EPB41: variants seen among roughly 807,000 people sequenced by gnomAD.
The protein encoded by EPB41 is erythrocyte membrane protein band 4.1, also known as protein 4.1.
In EPB41, 65 loss-of-function variants were observed where a neutral mutation model predicts 108.0. The ratio of observed to expected loss-of-function variants is 0.60; its 90% CI spans 0.49 to 0.74. The LOEUF (loss-of-function observed/expected upper bound fraction) is 0.74, where lower values mean the gene tolerates loss of function less well. Ranked by LOEUF, EPB41 falls within the 30% of genes least tolerant of loss-of-function variation. The probability of loss-of-function intolerance (pLI) is 0.00; values close to 1 mark genes in which losing one functional copy is unlikely to be tolerated. For missense variants in EPB41, 875 were observed against 1,037.0 expected (o/e 0.84, Z 2.15); for synonymous variants, 336 against 358.9 (o/e 0.94, Z 0.72).
chr1:29,066,110 C>T (rs1204960018), intron 16 of EPB41, among the ~76,000 whole-genome samples: 27 of 151,820 alleles, frequency 1.8e-4, no homozygotes, highest in Non-Finnish European at 5.9e-5. Context: ...CTGTTATTGT[C>T]ATTACCTATT....
At position 28,997,252 on chromosome 1, in the gene EPB41, G is replaced by A; in HGVS notation, c.719G>A (p.Cys240Tyr). The change falls in exon 4 of 21, where the codon TGT becomes TAT. Residue 240 changes from cysteine to tyrosine, a missense_variant. Coordinates refer to ENST00000343067, the MANE Select transcript of EPB41 (RefSeq NM_001376013.1). Reference sequence around the variant, plus strand: ...GGACAAGATTTGCTTAAACGAGTATGTGAGCATCTCAATCTTTTGGAAGAA... The same window carrying A: ...GGACAAGATTTGCTTAAACGAGTATATGAGCATCTCAATCTTTTGGAAGAA... ...AKGQDLLKRV[C>Y]EHLNLLEEDY... The A allele has an allele frequency of 6.2e-7, 1 of 1,614,148 alleles. No homozygotes were observed. The highest frequency in any genetic ancestry group is 8.5e-7 in the Non-Finnish European group (1 of 1,179,970).
chr1:28,927,275 T>G (rs1435655629), intron 1 of EPB41, among the ~76,000 whole-genome samples: 1 of 152,200 alleles, frequency 6.6e-6, no homozygotes, highest in Non-Finnish European at 1.5e-5. Flanking sequence ...TATTTTTGCT[T>G]TTATACATTT....
intron 5 of EPB41, among the ~76,000 whole-genome samples, chr1:29,015,418 G>A (rs1404169242): frequency 2.6e-5 from 4 of 152,010 alleles, no homozygotes; most frequent in African/African-American, 7.2e-5. Flanking sequence ...TTAGCCGGGC[G>A]TGGTGGTGCA....
chr1:29,093,187 CT>C (rs1368618214), intron 16 of EPB41, among the ~76,000 whole-genome samples: 1 of 152,194 alleles, frequency 6.6e-6, no homozygotes, highest in Non-Finnish European at 1.5e-5. Flanking sequence ...TAAGCATTCC[CT>C]TTTCTCTGCA....
intron 7 of EPB41, among the ~76,000 whole-genome samples, chr1:29,022,833 T>C (rs1038586117): frequency 2.6e-5 from 4 of 152,048 alleles, no homozygotes; most frequent in Non-Finnish European, 5.9e-5. Context: ...TTGCAACAGA[T>C]TGAATGCAGA....
intron 1 of EPB41, among the ~76,000 whole-genome samples, chr1:28,927,965 C>T (rs2093544003): frequency 6.6e-6 from 1 of 152,088 alleles, no homozygotes; most frequent in African/African-American, 2.4e-5. Context: ...TGGGGAATCC[C>T]TTGCTGACCT....
chr1:28,993,307 T>A (rs1572088326), intron 2 of EPB41, 23 bp from the exon 3 acceptor site: 2 of 1,593,240 alleles, frequency 1.3e-6, no homozygotes, highest in South Asian at 2.2e-5. Flanking sequence ...TATTACTGAC[T>A]TGGCGATGTC....
intron 1 of EPB41, among the ~76,000 whole-genome samples, chr1:28,889,058 A>C (rs929937192): frequency 6.6e-6 from 1 of 152,216 alleles, no homozygotes; most frequent in East Asian, 1.9e-4. Context: ...TAGGCTCTGC[A>C]CACAGCAGAA....
chr1:28,997,512 A>G (rs1448370709), intron 4 of EPB41, among the ~76,000 whole-genome samples, 193 bp downstream of exon 4: 1 of 152,182 alleles, frequency 6.6e-6, no homozygotes, highest in South Asian at 2.1e-4. Flanking sequence ...TTGCTGGTGT[A>G]TTCTTTCATC....
At chr1:29,096,188 G>C (rs1663167747) in intron 16 of EPB41, 1 of 985,756 alleles carries the variant, frequency 1.0e-6, no homozygotes, top group Admixed American at 6.2e-5. Flanking sequence ...GGAGGTGGCT[G>C]TCGTGACAAA....
Position 29,115,775 on chromosome 1 carries a change from A to G in EPB41, c.2573A>G (p.Glu858Gly). 6.2e-7 allele frequency: 1 copy of G among 1,614,034 alleles called. No individual in the cohort carries two copies. Among genetic ancestry groups the G allele is most frequent in the Non-Finnish European group, 8.5e-7 (1 of 1,179,968 alleles). Residue 858 changes from glutamate (E) to glycine (G), a missense_variant, in exon 20 of 21, where the codon GAG becomes GGG. By Grantham distance (98) the Glu-to-Gly change is moderately conservative. Around this residue, in one of 3 missense-constraint regions of EPB41, gnomAD observed 519 missense variants for 627.3 expected, o/e 0.83. Transcript: ENST00000343067. This position sits in a 1 kb window ranked among gnomAD's most constrained non-coding sequence, Gnocchi z 4.4. ...GTGACCAAGGTGGTCGTCCACCAGG[A>G]GACCGAGATTGCTGATGAGTGAGCT... The part of the protein sequence containing the change: ...MSVTKVVVHQ[E>G]TEIADE
intron 1 of EPB41, among the ~76,000 whole-genome samples, chr1:28,938,251 A>AT (rs1415440175): frequency 6.6e-6 from 1 of 152,122 alleles, no homozygotes; most frequent in Non-Finnish European, 1.5e-5. Context: ...GGTAGTTGGG[A>AT]TTTTGATGTC....
intron 7 of EPB41, among the ~76,000 whole-genome samples, chr1:29,019,412 G>A (rs565727554): frequency 9.8e-5 from 15 of 152,304 alleles, no homozygotes; most frequent in African/African-American, 3.4e-4. Flanking sequence ...TGTCTTTCAT[G>A]TGGTAAAAAA....
At chr1:28,943,894 A>G (rs1280196675) in intron 1 of EPB41, among the ~76,000 whole-genome samples, 1 of 152,208 alleles carries the variant, frequency 6.6e-6, no homozygotes, top group Non-Finnish European at 1.5e-5. Flanking sequence ...TTAATATAAC[A>G]AAGAGGTATC....
intron 17 of EPB41, among the ~76,000 whole-genome samples, chr1:29,099,457 C>T (rs1277483446): frequency 6.6e-6 from 1 of 152,018 alleles, no homozygotes; most frequent in Non-Finnish European, 1.5e-5. Flanking sequence ...TCCCAAGTAG[C>T]TGGAACTACA....
chr1:29,052,186 C>T (rs1644646125), intron 11 of EPB41, among the ~76,000 whole-genome samples: 1 of 152,164 alleles, frequency 6.6e-6, no homozygotes, highest in Admixed American at 6.5e-5. Context: ...AGTTTATTCT[C>T]TCTAAAACAG....
At chr1:28,987,961 T>C (rs1213214216) in intron 2 of EPB41, 56 bp downstream of exon 2, 1 of 1,578,222 alleles carries the variant, frequency 6.3e-7, no homozygotes. Flanking sequence ...TACACTTTAT[T>C]TTTCATTTAA....
intron 1 of EPB41, among the ~76,000 whole-genome samples, chr1:28,978,277 T>C (rs1189764822): frequency 6.6e-6 from 1 of 151,518 alleles, no homozygotes; most frequent in Non-Finnish European, 1.5e-5. Flanking sequence ...TATGTCTTAA[T>C]TGGGTTTGGA....
chr1:28,913,111 G>C (rs976642706), upstream of EPB41, among the ~76,000 whole-genome samples: 3 of 152,158 alleles, frequency 2.0e-5, no homozygotes, highest in South Asian at 6.2e-4. Context: ...CTATAGGTGG[G>C]AGTCCCAGCT....
Sources: allele counts gnomAD v4.1 joint callset (sites outside exome capture counted in the v4.1 genomes callset), GRCh38; gene constraint gnomAD v4.1.1; regional missense constraint gnomAD v4.1.1; non-coding constraint Gnocchi (gnomAD v3.1); transcripts MANE v1.5; gene names NCBI Gene and HGNC (gene_info 2026-07-23, HGNC 2026-07-21).